ROBO2: variants seen among roughly 807,000 people sequenced by gnomAD.
The protein encoded by ROBO2 is roundabout homolog 2.
A neutral mutation model predicts 160.8 loss-of-function variants in ROBO2; 53 were observed. The observed-to-expected ratio is 0.33, with a 90% confidence interval of 0.26 to 0.41. The LOEUF is 0.41. Ranked by LOEUF, ROBO2 falls within the 10% of genes least tolerant of loss-of-function variation. ROBO2 has a pLI of 1.00. For missense variants in ROBO2, 1,577 were observed against 1,722.4 expected (o/e 0.92, Z 1.49); for synonymous variants, 664 against 611.7 (o/e 1.09, Z -1.26).
At chr3:75,911,626 C>T (rs1230620411) in intron 1 of ROBO2, among the ~76,000 whole-genome samples, 1 of 129,722 alleles carries the variant, frequency 7.7e-6, no homozygotes, top group Non-Finnish European at 1.6e-5. Context: ...GGCGCGATCT[C>T]GACTCACTGC....
intron 2 of ROBO2, among the ~76,000 whole-genome samples, chr3:77,221,837 CTTTTCTTTTTCTTTTT>C (rs2085841931): frequency 6.8e-5 from 10 of 146,254 alleles, no homozygotes; most frequent in African/African-American, 2.5e-4. Flanking sequence ...TTTCTTTTTT[CTTTTCTTTTTCTTTTT>C]CTTTTTTTTT....
chr3:77,428,337 A>ATTTTTTTT (rs1491236295), intron 2 of ROBO2, among the ~76,000 whole-genome samples: 27 of 128,278 alleles, frequency 2.1e-4, no homozygotes, highest in South Asian at 7.7e-4. Context: ...AACTTAGGTA[A>ATTTTTTTT]TATTTTTTTT....
chr3:76,954,879 C>T (rs1380012613), intron 2 of ROBO2, among the ~76,000 whole-genome samples: 1 of 152,016 alleles, frequency 6.6e-6, no homozygotes, highest in Non-Finnish European at 1.5e-5. Flanking sequence ...ATATATAGAA[C>T]ATCCTTTCAA....
At chr3:76,654,913 GTATA>G (rs1553854263) in intron 2 of ROBO2, among the ~76,000 whole-genome samples, 1 of 74,186 alleles carries the variant, frequency 1.3e-5, no homozygotes, top group Non-Finnish European at 2.9e-5. Flanking sequence ...ATATGTGTGT[GTATA>G]TATATATATA....
intron 2 of ROBO2, among the ~76,000 whole-genome samples, chr3:76,073,267 CTTTTTTT>C (rs869307615): frequency 1.7e-5 from 1 of 57,368 alleles, no homozygotes; most frequent in Non-Finnish European, 3.5e-5. Context: ...AATGAGTATT[CTTTTTTT>C]TTTTTTTTTT....
At chr3:77,630,826 A>G (rs1053141890) in intron 23 of ROBO2, 3 of 151,958 alleles carry the variant, frequency 2.0e-5, no homozygotes, top group African/African-American at 7.3e-5. Flanking sequence ...TTAGAAATAC[A>G]AGAGCAGGCA....
intron 2 of ROBO2, among the ~76,000 whole-genome samples, chr3:75,993,211 A>G (rs1219785562): frequency 6.6e-6 from 1 of 152,060 alleles, no homozygotes; most frequent in Non-Finnish European, 1.5e-5. Flanking sequence ...CTGTGATTCC[A>G]CCCAAATCTC....
intron 2 of ROBO2, among the ~76,000 whole-genome samples, chr3:76,670,750 TATTAATTATAA>T (rs1173465922): frequency 1.3e-5 from 2 of 151,808 alleles, no homozygotes; most frequent in Non-Finnish European, 2.9e-5. Context: ...TTTACCCTTA[TATTAATTATAA>T]ATTAATTATA....
intron 2 of ROBO2, among the ~76,000 whole-genome samples, chr3:76,453,958 G>T (rs1313619805): frequency 6.6e-6 from 1 of 152,112 alleles, no homozygotes; most frequent in Non-Finnish European, 1.5e-5. Flanking sequence ...AGCCCAGAAA[G>T]TGCATGAGTA....
At chr3:76,576,775 T>G (rs2085332728) in intron 2 of ROBO2, among the ~76,000 whole-genome samples, 1 of 41,060 alleles carries the variant, frequency 2.4e-5, no homozygotes, top group South Asian at 1.2e-3. Context: ...TGAAACTCCG[T>G]CTCACAAAAA....
chr3:76,567,626 T>TATATATATATATAC lies in ROBO2; in HGVS notation c.110-530375_110-530374insCATATATATATATA, dbSNP rs1281060983. Among the ~76,000 whole-genome samples the TATATATATATATAC allele has an allele frequency of 5.8e-5, 4 of 68,764 alleles. 1 individual carries two copies. The highest frequency in any genetic ancestry group is 1.2e-4 in the Non-Finnish European group (4 of 32,378). 45.1% of individuals were successfully genotyped at this position (68,764 alleles called of 152,430 possible). A position where few individuals can be genotyped will look rare whatever the true frequency, so the allele number is the denominator to read the frequency against. On this transcript the variant is annotated intron_variant, in intron 2 of 26. Transcript: ENST00000487694. Reference sequence around the variant, plus strand: ...TATGCTATACCAAACTACTGATATATATATATATATATATATATATATATA... The same window carrying TATATATATATATAC: ...TATGCTATACCAAACTACTGATATATATATATATATATACATATATATATATATATATATATATA...
chr3:76,705,724 A>G (rs1453763064), intron 2 of ROBO2, among the ~76,000 whole-genome samples: 2 of 152,166 alleles, frequency 1.3e-5, no homozygotes, highest in African/African-American at 4.8e-5. Flanking sequence ...CACTTCCAGA[A>G]TCACTTTAAA....
At chr3:76,319,473 C>T (rs942153188) in intron 2 of ROBO2, among the ~76,000 whole-genome samples, 2 of 151,788 alleles carry the variant, frequency 1.3e-5, no homozygotes, top group Admixed American at 6.6e-5. Flanking sequence ...ATATTCCTTT[C>T]CCTTTAGCTG....
intron 2 of ROBO2, among the ~76,000 whole-genome samples, chr3:77,323,434 A>G (rs370302922): frequency 4.6e-5 from 7 of 152,130 alleles, no homozygotes; most frequent in Admixed American, 1.3e-4. Context: ...CCTCCATGCT[A>G]ATAGAATAAC....
intron 2 of ROBO2, among the ~76,000 whole-genome samples, chr3:76,073,351 G>T (rs1368035768): frequency 4.9e-5 from 6 of 121,628 alleles, no homozygotes; most frequent in Non-Finnish European, 6.3e-5. Context: ...TGGAGTGCAG[G>T]GGCGCGATCT....
At position 77,541,007 on chromosome 3, in the gene ROBO2, G is replaced by A. The variant is rs551578360; in HGVS notation, c.935-5331G>A. The stretch of plus-strand genomic sequence containing the variant: ...CTTCTTAAATATGCTTATAGAATAT[G>A]TTAGTATTTAACAAGTAAATATATG... On this transcript the variant is annotated intron_variant, in intron 6 of 25. Transcript: ENST00000461745. Among the ~76,000 whole-genome samples the A allele has an allele frequency of 4.5e-4, 68 of 152,234 alleles. No individual in the cohort carries two copies. The South Asian group carries it at 7.1e-3, about 16-fold the overall frequency.
chr3:77,098,521 G>A (rs2071410004), intron 2 of ROBO2, among the ~76,000 whole-genome samples, 181 bp downstream of exon 2: 1 of 152,110 alleles, frequency 6.6e-6, no homozygotes, highest in African/African-American at 2.4e-5. Flanking sequence ...TAGTAAGTTT[G>A]TTTATATGAA....
At chr3:76,888,417 ATC>A (rs1336994716) in intron 2 of ROBO2, among the ~76,000 whole-genome samples, 376 of 152,316 alleles carry the variant, frequency 2.5e-3, no homozygotes, top group African/African-American at 8.7e-3. Flanking sequence ...GATGGTGAAC[ATC>A]AGCAGGCCCA....
chr3:77,335,170 C>T lies in ROBO2; in HGVS notation c.389-142244C>T, dbSNP rs368226187. Reference sequence around the variant, plus strand: ...GCATGGTGGCTCACCCCTGTAATCCCGGCACTTAGGGAGATTCTTTGAGGA... The same window carrying T: ...GCATGGTGGCTCACCCCTGTAATCCTGGCACTTAGGGAGATTCTTTGAGGA... On this transcript the variant is annotated intron_variant, in intron 2 of 25. Transcript: ENST00000461745. Among the ~76,000 whole-genome samples the T allele has an allele frequency of 3.5e-4, 53 of 152,206 alleles. No individual in the cohort carries two copies. The East Asian group carries it at 3.5e-3, about 10-fold the overall frequency.
Sources: gnomAD v4.1 joint callset for allele counts (sites outside exome capture counted in the v4.1 genomes callset) on GRCh38, gnomAD v4.1.1 for gene constraint, MANE v1.5 for transcripts, NCBI Gene and HGNC (gene_info 2026-07-23, HGNC 2026-07-21) for gene names.